ABCA13: variants seen among roughly 807,000 people sequenced by gnomAD.
ABCA13 encodes ATP binding cassette subfamily A member 13, also known as ATP-binding cassette sub-family A member 13.
A neutral mutation model predicts 478.7 loss-of-function variants in ABCA13; 476 were observed. The observed-to-expected ratio is 0.99, with a 90% CI of 0.92 to 1.07. The LOEUF (loss-of-function observed/expected upper bound fraction) is 1.07, where lower values mean the gene tolerates loss of function less well. Ranked by LOEUF, ABCA13 falls within the 50% of genes least tolerant of loss-of-function variation. The probability of loss-of-function intolerance (pLI) is 0.00; values close to 1 mark genes in which losing one functional copy is unlikely to be tolerated. For missense variants in ABCA13, 6,060 were observed against 5,910.6 expected (o/e 1.03, Z -0.83); for synonymous variants, 2,252 against 2,158.9 (o/e 1.04, Z -1.20).
chr7:48,583,019 T>C (rs945809892), intron 56 of ABCA13, among the ~76,000 whole-genome samples: 2 of 152,132 alleles, frequency 1.3e-5, no homozygotes, highest in Non-Finnish European at 2.9e-5. Context: ...TGCTAGGTAG[T>C]TTCAATGTTA....
intron 28 of ABCA13, among the ~76,000 whole-genome samples, chr7:48,335,837 A>G (rs1806174033): frequency 6.6e-6 from 1 of 152,214 alleles, no homozygotes; most frequent in Non-Finnish European, 1.5e-5. Context: ...TTGCAGGTCT[A>G]TTCAACAATC....
intron 55 of ABCA13, among the ~76,000 whole-genome samples, chr7:48,566,529 T>G (rs1477376930): frequency 6.6e-6 from 1 of 152,082 alleles, no homozygotes; most frequent in African/African-American, 2.4e-5. Flanking sequence ...ATTAGAAGAT[T>G]TATATAGATG....
chr7:48,426,592 C>T (rs1275251757), intron 41 of ABCA13, among the ~76,000 whole-genome samples: 2 of 152,182 alleles, frequency 1.3e-5, no homozygotes, highest in Non-Finnish European at 2.9e-5. Context: ...GCTGGATGGA[C>T]AGTGACGCTG....
Position 48,273,408 on chromosome 7 carries a change from CTTAACTTGGAGCAAG to C in ABCA13, c.3744_3758del (p.Asn1249_Val1253del). 1 of 1,613,456 alleles carries C rather than the reference CTTAACTTGGAGCAAG, an allele frequency of 6.2e-7. No individual in the cohort carries two copies. The highest frequency in any genetic ancestry group is 8.5e-7 in the Non-Finnish European group (1 of 1,179,670). ...TAATGCATTAGTTTCAGTAAAAAAA[CTTAACTTGGAGCAAG>C]TGGAGAAATCCCTTTTCACCATGGA... is the stretch of plus-strand genomic sequence containing the variant. On this transcript the variant is annotated inframe_deletion, in exon 17 of 62. Coordinates refer to ENST00000435803, the MANE Select transcript of ABCA13 (RefSeq NM_152701.5).
chr7:48,644,640 A>C lies in ABCA13; in HGVS notation c.14967A>C (p.Glu4989Asp), dbSNP rs1256866601. The change falls in exon 61 of 62, where the codon GAA becomes GAC. Residue 4989 changes from glutamate to aspartate, a missense_variant. Physicochemically the swap from Glu to Asp is conservative, Grantham distance 45. Transcript: ENST00000435803. ...AGGGACAGCACCTGAATTTATTAGA[A>C]TATCATGTGCCAAAAAGATGGGGAT... ...QFKGQHLNLL[E>D]YHVPKRWGCL... 6.2e-7 allele frequency: 1 copy of C among 1,609,672 alleles called. No homozygotes were observed. Among genetic ancestry groups the C allele is most frequent in the Non-Finnish European group, 8.5e-7 (1 of 1,179,064 alleles).
chr7:48,534,243 G>T (rs1833424915), intron 55 of ABCA13, among the ~76,000 whole-genome samples: 1 of 152,102 alleles, frequency 6.6e-6, no homozygotes, highest in Non-Finnish European at 1.5e-5. Flanking sequence ...GCTTAGATTT[G>T]CTGGATACAA....
At chr7:48,421,009 G>T (rs1232543527) in intron 41 of ABCA13, among the ~76,000 whole-genome samples, 1 of 152,080 alleles carries the variant, frequency 6.6e-6, no homozygotes, top group Non-Finnish European at 1.5e-5. Context: ...GCCCTATTTT[G>T]CTGTGATTGG....
rs768478927 is a variant in ABCA13 at position 48,594,757 on chromosome 7, G to A, written c.14688G>A (p.Trp4896Ter). ...GMDPCSKRYL[W>*]QTIMKEVREG... ...ATCCCTGCTCTAAGCGGTACCTGTG[G>A]CAAACAATAATGAAGGAGGTTCGGG... The change falls in exon 58 of 62, where the codon TGG becomes TGA. Residue 4896 changes from tryptophan (W) to a stop codon, truncating the protein, a stop_gained. Transcript: ENST00000435803. LOFTEE classifies it high-confidence loss of function. 14 of 1,613,804 alleles carry A rather than the reference G, an allele frequency of 8.7e-6. No homozygotes were observed. In the African/African-American group the frequency reaches 1.6e-4, roughly 18 times the overall value.
chr7:48,376,982 G>A (rs898868443), intron 35 of ABCA13, among the ~76,000 whole-genome samples: 3 of 152,156 alleles, frequency 2.0e-5, no homozygotes, highest in Non-Finnish European at 2.9e-5. Flanking sequence ...CAAGCGCTCA[G>A]CCAGTGGCAG....
intron 44 of ABCA13, among the ~76,000 whole-genome samples, 186 bp downstream of exon 44, chr7:48,467,231 C>T (rs970094567): frequency 2.6e-5 from 4 of 152,056 alleles, no homozygotes; most frequent in African/African-American, 4.8e-5. Context: ...TAAAATGATC[C>T]GAAATAAGCT....
At position 48,574,251 on chromosome 7, in the gene ABCA13, A is replaced by G. The variant is rs189588308; in HGVS notation, c.14355-5973A>G. 5.1e-4 allele frequency among the ~76,000 whole-genome samples: 77 copies of G among 152,308 alleles called. No homozygotes were observed. In the East Asian group the frequency reaches 0.014, roughly 28 times the overall value. ...TTCTCTTTAGCTTTGATATGGAATT[A>G]GAATAGATAAAATTATCTCAGAAAA... On this transcript the variant is annotated intron_variant, in intron 55 of 61. Transcript: ENST00000435803.
chr7:48,389,146 C>A lies in ABCA13; in HGVS notation c.11580C>A (p.Asp3860Glu), dbSNP rs369273399. Residue 3860 changes from aspartate to glutamate, a missense_variant, in exon 37 of 62, where the codon GAC (aspartate) becomes GAA (glutamate). Transcript: ENST00000435803. ...EYEGHKAVVQ[D>E]LSLTFYRDQI... The stretch of plus-strand genomic sequence containing the variant: ...AGGGCCACAAGGCTGTGGTCCAAGA[C>A]CTCAGCCTGACCTTCTACAGAGACC... 3.7e-6 allele frequency: 6 copies of A among 1,613,868 alleles called. No individual in the cohort carries two copies. Among genetic ancestry groups the A allele is most frequent in the Non-Finnish European group, 4.2e-6 (5 of 1,179,888 alleles).
chr7:48,389,130 A>G lies in ABCA13; in HGVS notation c.11564A>G (p.Lys3855Arg), dbSNP rs1815647256. ...GTGACCAAGGAATATGAGGGCCACA[A>G]GGCTGTGGTCCAAGACCTCAGCCTG... ...VSVTKEYEGHKAVVQDLSLTF... is the reference protein window; with the variant it reads ...VSVTKEYEGHRAVVQDLSLTF... The change falls in exon 37 of 62, where the codon AAG (lysine) becomes AGG (arginine). Residue 3855 changes from lysine to arginine, a missense_variant. By Grantham distance (26) the Lys-to-Arg change is conservative (BLOSUM62 2). Coordinates refer to ENST00000435803, the MANE Select transcript of ABCA13 (RefSeq NM_152701.5). 1.9e-6 allele frequency: 3 copies of G among 1,613,984 alleles called. No homozygotes were observed. Among genetic ancestry groups the G allele is most frequent in the Non-Finnish European group, 1.7e-6 (2 of 1,179,862 alleles).
rs116728491 is a variant in ABCA13, at chr7:48,631,965, C to G, written c.14838-11323C>G. On this transcript the variant is annotated intron_variant, in intron 59 of 61. Transcript: ENST00000435803. ...ATTGAGTTCTTGATTTGATTCTCAGCTTGGTTGTTGTTAGTGTATAGCAGT... is the reference window on the plus strand; with the variant it reads ...ATTGAGTTCTTGATTTGATTCTCAGGTTGGTTGTTGTTAGTGTATAGCAGT... Among the ~76,000 whole-genome samples, 1,315 of 152,140 alleles carry G rather than the reference C, an allele frequency of 8.6e-3. 19 individuals carry two copies. Among genetic ancestry groups the G allele is most frequent in the African/African-American group, 0.029 (1,225 of 41,528 alleles).
Position 48,516,772 on chromosome 7 carries a change from G to T in ABCA13, c.13688G>T (p.Ser4563Ile), listed in dbSNP as rs766745303. ...TACCTGATGTCCAGAATCTTTTCCA[G>T]TTCGGACGTGGCTTTCATTTCCTAT... The part of the protein sequence containing the change: ...WMYLMSRIFS[S>I]SDVAFISYVS... Residue 4563 changes from serine (S) to isoleucine (I), a missense_variant, in exon 52 of 62, where the codon AGT becomes ATT. By Grantham distance (142) the Ser-to-Ile change is moderately radical. Coordinates refer to ENST00000435803, the MANE Select transcript of ABCA13 (RefSeq NM_152701.5). 5.0e-6 allele frequency: 8 copies of T among 1,613,658 alleles called. No homozygotes were observed. The African/African-American group carries it at 9.3e-5, about 19-fold the overall frequency.
intron 35 of ABCA13, among the ~76,000 whole-genome samples, chr7:48,380,496 G>A (rs568843495): frequency 1.3e-5 from 2 of 152,288 alleles, no homozygotes; most frequent in East Asian, 1.9e-4. Flanking sequence ...AAAATTTAGT[G>A]TATACTGAAA....
chr7:48,590,968 G>A (rs35302464), intron 57 of ABCA13, among the ~76,000 whole-genome samples: 13,608 of 151,652 alleles, frequency 0.09, 729 homozygotes, highest in African/African-American at 0.15. Context: ...AACTCTTTTC[G>A]TTTGAAATAG....
intron 31 of ABCA13, among the ~76,000 whole-genome samples, chr7:48,362,154 G>T (rs918062830): frequency 6.6e-6 from 1 of 151,908 alleles, no homozygotes; most frequent in Non-Finnish European, 1.5e-5. Flanking sequence ...TTGTTATGTA[G>T]GATTTTTCTA....
chr7:48,585,919 C>G (rs1229300512), intron 56 of ABCA13, among the ~76,000 whole-genome samples: 1 of 151,984 alleles, frequency 6.6e-6, no homozygotes, highest in African/African-American at 2.4e-5. Context: ...AAGAATTAAT[C>G]CAGCATAGGA....
Sources: allele counts gnomAD v4.1 joint callset (sites outside exome capture counted in the v4.1 genomes callset), GRCh38; gene constraint gnomAD v4.1.1; transcripts MANE v1.5; gene names NCBI Gene and HGNC (gene_info 2026-07-23, HGNC 2026-07-21).